DOK6: variants seen among roughly 807,000 people sequenced by gnomAD.
DOK6 encodes docking protein 6, also known as downstream of tyrosine kinase 6.
In DOK6, 22 loss-of-function variants were observed where a neutral mutation model predicts 44.0. That is an observed-to-expected ratio of 0.50 (90% CI 0.36 to 0.71). The LOEUF (loss-of-function observed/expected upper bound fraction) is 0.71, where lower values mean the gene tolerates loss of function less well. Ranked by LOEUF, DOK6 falls within the 30% of genes least tolerant of loss-of-function variation. The probability of loss-of-function intolerance (pLI) is 0.00; values close to 1 mark genes in which losing one functional copy is unlikely to be tolerated. For missense variants in DOK6, 340 were observed against 416.4 expected, an observed-to-expected ratio of 0.82 and a Z score of 1.60; for synonymous variants, 166 against 145.5, an observed-to-expected ratio of 1.14 and a Z score of -1.01.
chr18:69,514,053 A>AAT (rs1293637500), intron 1 of DOK6, among the ~76,000 whole-genome samples: 1 of 152,124 alleles, frequency 6.6e-6, no homozygotes, highest in African/African-American at 2.4e-5. Flanking sequence ...TTCAAAAATC[A>AAT]ATATATGCAA....
chr18:69,722,269 T>G (rs1267854501), intron 5 of DOK6, among the ~76,000 whole-genome samples: 3 of 152,216 alleles, frequency 2.0e-5, no homozygotes, highest in Non-Finnish European at 4.4e-5. Flanking sequence ...GAGGGTATTA[T>G]CCCAGTAAGT....
rs531156420 is a variant in DOK6 at position 69,781,225 on chromosome 18, A to G, written c.856+23352A>G. ...TTTTTTTCTATAGTGCTATAAAAATAAGAAGGTTTTGCCAAAGGAAGAGTG... is the reference window on the plus strand; with the variant it reads ...TTTTTTTCTATAGTGCTATAAAAATGAGAAGGTTTTGCCAAAGGAAGAGTG... On this transcript the variant is annotated intron_variant, in intron 7 of 7. Transcript: ENST00000382713. 23 of 152,306 alleles carry G rather than the reference A, an allele frequency of 1.5e-4. No homozygotes were observed. The East Asian group carries it at 4.3e-3, about 28-fold the overall frequency. The allele number at this position is 152,306 out of a possible 1,614,324, so 9.4% of individuals were successfully genotyped here. A position where few individuals can be genotyped will look rare whatever the true frequency, so the allele number is the denominator to read the frequency against.
chr18:69,557,790 T>C (rs1982725309), intron 1 of DOK6, among the ~76,000 whole-genome samples: 1 of 152,114 alleles, frequency 6.6e-6, no homozygotes, highest in African/African-American at 2.4e-5. Context: ...CCTGAAATGA[T>C]GGGGAAGGAA....
rs1351809027 is a variant in DOK6 at position 69,677,720 on chromosome 18, G to A, written c.290-14G>A. On this transcript the variant is annotated splice_polypyrimidine_tract_variant and intron_variant, in intron 3 of 7. Transcript: ENST00000382713. ...GGAGCATTGCTTGACTGGTGATGTT[G>A]TGGTTACTTTCAGAGCTGGAGGCCG... 1 of 1,612,740 alleles carries A rather than the reference G, an allele frequency of 6.2e-7. No individual in the cohort carries two copies. Among genetic ancestry groups the A allele is most frequent in the African/African-American group, 1.3e-5 (1 of 74,840 alleles).
chr18:69,778,097 A>G (rs1980136129), intron 7 of DOK6: 1 of 152,208 alleles, frequency 6.6e-6, no homozygotes, highest in Admixed American at 6.5e-5. Context: ...TAGTAGCTTC[A>G]GAAAATAATA....
chr18:69,710,595 A>T (rs4597422), intron 5 of DOK6, among the ~76,000 whole-genome samples: 85,875 of 152,006 alleles, frequency 0.56, 24,642 homozygotes, highest in East Asian at 0.82. Context: ...TTATCTTTTG[A>T]CCCGAGGAGA....
chr18:69,637,905 T>C (rs1025360956), intron 3 of DOK6, among the ~76,000 whole-genome samples: 19 of 152,118 alleles, frequency 1.2e-4, no homozygotes, highest in Non-Finnish European at 1.9e-4. Flanking sequence ...TGACTTCTTA[T>C]TTCTATGATC....
chr18:69,835,451 C>A (rs1326496852), intron 7 of DOK6, among the ~76,000 whole-genome samples: 5 of 147,278 alleles, frequency 3.4e-5, no homozygotes, highest in Non-Finnish European at 7.4e-5. Flanking sequence ...GGCGACAGAA[C>A]GAGACTCCGT....
intron 7 of DOK6, among the ~76,000 whole-genome samples, chr18:69,767,154 C>T (rs1336520398): frequency 3.3e-5 from 5 of 152,094 alleles, no homozygotes; most frequent in Admixed American, 1.3e-4. Context: ...ATAGTTTGAA[C>T]CCGGGAGGCG....
intron 1 of DOK6, among the ~76,000 whole-genome samples, chr18:69,459,701 A>G (rs1979735743): frequency 6.6e-6 from 1 of 152,300 alleles, no homozygotes; most frequent in Middle Eastern, 3.4e-3. Context: ...GAACTTTACT[A>G]TTTTTAGCAC....
intron 6 of DOK6, among the ~76,000 whole-genome samples, chr18:69,752,459 G>C (rs1042761483): frequency 6.6e-6 from 1 of 151,990 alleles, no homozygotes; most frequent in South Asian, 2.1e-4. Flanking sequence ...TTAGTTTTTA[G>C]TTCCAAAAGA....
chr18:69,537,796 A>G (rs1288742419), intron 1 of DOK6, among the ~76,000 whole-genome samples: 1 of 152,210 alleles, frequency 6.6e-6, no homozygotes, highest in Non-Finnish European at 1.5e-5. Flanking sequence ...TCTCTTTTTC[A>G]GAGGACATTC....
intron 1 of DOK6, among the ~76,000 whole-genome samples, chr18:69,496,845 A>G (rs1221210426): frequency 6.6e-6 from 1 of 152,168 alleles, no homozygotes; most frequent in East Asian, 1.9e-4. Context: ...GGCTTCCAGA[A>G]CTCATTCTGT....
chr18:69,780,675 A>G (rs75768848), intron 7 of DOK6, among the ~76,000 whole-genome samples: 7,489 of 152,284 alleles, frequency 0.049, 256 homozygotes, highest in South Asian at 0.16. Context: ...CATGGACACA[A>G]TCTCTCTTTC....
intron 2 of DOK6, among the ~76,000 whole-genome samples, chr18:69,585,682 T>C (rs545962621): frequency 7.2e-5 from 11 of 152,318 alleles, no homozygotes; most frequent in African/African-American, 2.6e-4. Flanking sequence ...CAAAACCAGT[T>C]AGGGTTGTGT....
intron 1 of DOK6, among the ~76,000 whole-genome samples, chr18:69,511,761 G>A (rs1363983657): frequency 6.6e-6 from 1 of 152,162 alleles, no homozygotes; most frequent in East Asian, 1.9e-4. Context: ...CTTGTTAATT[G>A]TAAAATATGA....
intron 1 of DOK6, among the ~76,000 whole-genome samples, chr18:69,450,047 A>G (rs1174706393): frequency 7.6e-6 from 1 of 131,186 alleles, no homozygotes; most frequent in Non-Finnish European, 1.6e-5. Context: ...GCAACGGAAC[A>G]AAGCTGGATG....
chr18:69,575,275 T>C (rs192307467), intron 2 of DOK6, among the ~76,000 whole-genome samples: 127 of 152,164 alleles, frequency 8.3e-4, no homozygotes, highest in Middle Eastern at 3.4e-3. Context: ...AAGAAAAATG[T>C]CATCCTTGGC....
chr18:69,438,252 C>T lies in DOK6; in HGVS notation c.66+36942C>T, dbSNP rs140728224. The stretch of plus-strand genomic sequence containing the variant: ...TCACAATTGGAATAAACAAAGTTTA[C>T]GTAATATTATAAATCCTTTGTTGTC... On this transcript the variant is annotated intron_variant, in intron 1 of 7. Transcript: ENST00000382713. 9.9e-4 allele frequency among the ~76,000 whole-genome samples: 151 copies of T among 152,284 alleles called. 2 individuals are homozygous for T. In the East Asian group the frequency reaches 0.026, roughly 26 times the overall value.
Sources: gnomAD v4.1 joint callset for allele counts (sites outside exome capture counted in the v4.1 genomes callset) on GRCh38, gnomAD v4.1.1 for gene constraint, MANE v1.5 for transcripts, NCBI Gene and HGNC (gene_info 2026-07-23, HGNC 2026-07-21) for gene names.